The following POC1A variants were observed in gnomAD, a reference collection of about 807,000 sequenced individuals.
POC1A encodes the protein POC1 centriolar protein homolog A.
In POC1A, 34 loss-of-function variants were observed where a neutral mutation model predicts 47.8. The ratio of observed to expected loss-of-function variants is 0.71; its 90% CI spans 0.54 to 0.95. The LOEUF is 0.95. POC1A is among the 40% of genes least tolerant of loss of function. The pLI, the probability that POC1A is intolerant of heterozygous loss-of-function variation, is 0.00. For synonymous variants in POC1A, 177 were observed against 207.6 expected (o/e 0.85, Z 1.27); for missense variants, 466 against 528.3 (o/e 0.88, Z 1.16).
intron 10 of POC1A, among the ~76,000 whole-genome samples, chr3:52,087,402 CT>C (rs1024543576): frequency 1.3e-4 from 20 of 152,300 alleles, no homozygotes; most frequent in African/African-American, 4.6e-4. Flanking sequence ...CAGCAACTGT[CT>C]TTTTAACCAC....
chr3:52,112,534 C>T (rs1451893929), intron 9 of POC1A, among the ~76,000 whole-genome samples: 3 of 152,012 alleles, frequency 2.0e-5, no homozygotes, highest in African/African-American at 4.8e-5. Context: ...CCCAGCTATT[C>T]GGGAGGCTGA....
intron 6 of POC1A, among the ~76,000 whole-genome samples, chr3:52,141,927 G>T (rs1027468943): frequency 6.6e-6 from 1 of 152,218 alleles, no homozygotes; most frequent in African/African-American, 2.4e-5. Flanking sequence ...GAGAGCTTGG[G>T]ACTCTATGAG....
At chr3:52,102,305 TTCTC>T (rs1187588296) in intron 9 of POC1A, among the ~76,000 whole-genome samples, 1 of 152,226 alleles carries the variant, frequency 6.6e-6, no homozygotes, top group Non-Finnish European at 1.5e-5. Context: ...TCTAAATTAA[TTCTC>T]TCACAGTTCT....
At chr3:52,143,923 C>T (rs777775190) in intron 6 of POC1A, among the ~76,000 whole-genome samples, 7 of 152,202 alleles carry the variant, frequency 4.6e-5, no homozygotes, top group Non-Finnish European at 7.3e-5. Context: ...TGCTGTTATA[C>T]CCATGAACAC....
intron 7 of POC1A, among the ~76,000 whole-genome samples, chr3:52,133,164 T>C (rs1186981376): frequency 6.6e-6 from 1 of 152,116 alleles, no homozygotes; most frequent in Admixed American, 6.5e-5. Context: ...TAGGTGCACT[T>C]ATGAAAGGGC....
chr3:52,078,263 G>A (rs1213633265), intron 10 of POC1A, among the ~76,000 whole-genome samples: 1 of 151,948 alleles, frequency 6.6e-6, no homozygotes, highest in African/African-American at 2.4e-5. Flanking sequence ...CCCAGCACAC[G>A]TGATCCCAGC....
chr3:52,079,238 G>C lies in POC1A; in HGVS notation c.1126-3253C>G, dbSNP rs184041291. On this transcript the variant is annotated intron_variant, in intron 10 of 10. Coordinates refer to ENST00000296484, the MANE Select transcript of POC1A (RefSeq NM_015426.5). The surrounding 1 kb of genome is among the most constrained non-coding windows in gnomAD (Gnocchi z 4.6). ...GGGTTCAGAAAATACATGCTACCTC[G>C]GTGTACACAGGCCACTGCCATTTCC... is the stretch of plus-strand genomic sequence containing the variant. Among the ~76,000 whole-genome samples the C allele has an allele frequency of 1.3e-5, 2 of 152,210 alleles. No homozygotes were observed. Among genetic ancestry groups the C allele is most frequent in the Non-Finnish European group, 2.9e-5 (2 of 68,018 alleles).
chr3:52,092,134 G>A (rs903061120), intron 10 of POC1A, among the ~76,000 whole-genome samples: 2 of 152,236 alleles, frequency 1.3e-5, no homozygotes, highest in African/African-American at 2.4e-5. Flanking sequence ...AGAAACCAGT[G>A]ATGCCCCAAA....
intron 6 of POC1A, among the ~76,000 whole-genome samples, chr3:52,141,338 G>T (rs186285828): frequency 6.6e-6 from 1 of 152,210 alleles, no homozygotes; most frequent in African/African-American, 2.4e-5. Flanking sequence ...CAAGCAGGAG[G>T]TTCCTCTCTA....
At chr3:52,146,297 G>T (rs1054439555) in intron 5 of POC1A, among the ~76,000 whole-genome samples, 3 of 152,242 alleles carry the variant, frequency 2.0e-5, no homozygotes, top group African/African-American at 7.2e-5. Flanking sequence ...CCTTCCCAGG[G>T]GTGGCTGCAG....
chr3:52,089,024 G>A (rs1034316954), intron 10 of POC1A, among the ~76,000 whole-genome samples: 4 of 151,710 alleles, frequency 2.6e-5, no homozygotes, highest in Non-Finnish European at 2.9e-5. Context: ...CTCTTTGGAA[G>A]GGGGTGCTTT....
intron 10 of POC1A, among the ~76,000 whole-genome samples, chr3:52,088,525 C>T (rs1381708185): frequency 6.6e-6 from 1 of 152,150 alleles, no homozygotes; most frequent in Non-Finnish European, 1.5e-5. Context: ...GGCCCAACTA[C>T]AGCCCTTCCT....
intron 7 of POC1A, among the ~76,000 whole-genome samples, chr3:52,137,500 G>C (rs926936525): frequency 1.1e-4 from 16 of 152,214 alleles, no homozygotes; most frequent in African/African-American, 3.6e-4. Flanking sequence ...CGACCGCTCT[G>C]ATCAGGAGGG....
At chr3:52,118,368 G>C (rs956046600) in intron 9 of POC1A, among the ~76,000 whole-genome samples, 5 of 152,202 alleles carry the variant, frequency 3.3e-5, no homozygotes, top group African/African-American at 1.2e-4. Context: ...ATTCTGAATG[G>C]CTGGGAAATG....
chr3:52,102,057 T>A (rs1416295071), intron 9 of POC1A, among the ~76,000 whole-genome samples: 2 of 152,254 alleles, frequency 1.3e-5, no homozygotes, highest in Admixed American at 6.5e-5. Context: ...TCTTTCTTAA[T>A]CCTTGGTTTT....
At chr3:52,101,991 T>C (rs1243735654) in intron 9 of POC1A, among the ~76,000 whole-genome samples, 2 of 152,240 alleles carry the variant, frequency 1.3e-5, no homozygotes, top group African/African-American at 4.8e-5. Flanking sequence ...TTCTTCATAA[T>C]TCTTACATTT....
chr3:52,081,959 C>T (rs796796183), intron 10 of POC1A, among the ~76,000 whole-genome samples: 36 of 152,164 alleles, frequency 2.4e-4, no homozygotes, highest in African/African-American at 8.2e-4. Flanking sequence ...GAGAGATGTG[C>T]TCCAAGGCCA....
chr3:52,143,255 G>GA (rs1698256449), intron 6 of POC1A, among the ~76,000 whole-genome samples: 1 of 151,930 alleles, frequency 6.6e-6, no homozygotes, highest in Non-Finnish European at 1.5e-5. Context: ...CTCCACTCAG[G>GA]ACTCAGCCCC....
intron 1 of POC1A, among the ~76,000 whole-genome samples, chr3:52,153,719 G>T (rs1698629106): frequency 6.6e-6 from 1 of 152,236 alleles, no homozygotes; most frequent in African/African-American, 2.4e-5. Flanking sequence ...GGGACAGGAA[G>T]GGAGGTAGAG....
Sources: gnomAD v4.1 joint callset for allele counts (sites outside exome capture counted in the v4.1 genomes callset) on GRCh38, gnomAD v4.1.1 for gene constraint, Gnocchi (gnomAD v3.1) non-coding constraint, MANE v1.5 for transcripts, NCBI Gene and HGNC (gene_info 2026-07-23, HGNC 2026-07-21) for gene names.